The following TOX2 variants were observed in gnomAD, a reference collection of about 807,000 sequenced individuals.
TOX2 encodes granulosa cell HMG box 1.
Under a neutral mutation model 47.4 loss-of-function variants are expected in TOX2, and 15 were observed. The observed-to-expected ratio is 0.32, with a 90% confidence interval of 0.21 to 0.49. The LOEUF (loss-of-function observed/expected upper bound fraction) is 0.49, where lower values mean the gene tolerates loss of function less well. TOX2 is among the 20% of genes least tolerant of loss of function. The probability of loss-of-function intolerance (pLI) is 0.99; values close to 1 mark genes in which losing one functional copy is unlikely to be tolerated. For missense variants in TOX2, 622 were observed against 673.1 expected, an observed-to-expected ratio of 0.92 and a Z score of 0.84; for synonymous variants, 290 against 296.6, an observed-to-expected ratio of 0.98 and a Z score of 0.23.
In TOX2 at chr20:43,915,683, G is replaced by T. The variant is rs1208593486; in HGVS notation, c.99+693G>T. Among the ~76,000 whole-genome samples the T allele has an allele frequency of 6.6e-6, 1 of 152,216 alleles. No individual in the cohort carries two copies. The highest frequency in any genetic ancestry group is 1.5e-5 in the Non-Finnish European group (1 of 68,040). On this transcript the variant is annotated intron_variant, in intron 1 of 8. Coordinates refer to ENST00000341197, the MANE Select transcript of TOX2 (RefSeq NM_001098797.2). The surrounding 1 kb of genome is among the most constrained non-coding windows in gnomAD (Gnocchi z 7.1). The stretch of plus-strand genomic sequence containing the variant: ...CGTCGAGGTTTAACTTCTCAGCGCC[G>T]CAGCACACTAATTGGGCAGTTTACT...
At chr20:44,023,667 G>A (rs143833409) in intron 3 of TOX2, among the ~76,000 whole-genome samples, 2 of 152,340 alleles carry the variant, frequency 1.3e-5, no homozygotes, top group East Asian at 1.9e-4. Flanking sequence ...ACAGGCCAGC[G>A]TGGCCTGGGA....
chr20:44,023,197 G>C (rs2071002266), intron 3 of TOX2, among the ~76,000 whole-genome samples: 1 of 152,002 alleles, frequency 6.6e-6, no homozygotes, highest in African/African-American at 2.4e-5. Flanking sequence ...GGGAGGCCGA[G>C]GCGAGCAGAT....
intron 3 of TOX2, among the ~76,000 whole-genome samples, chr20:44,030,216 A>G (rs1397468713): frequency 6.6e-6 from 1 of 152,112 alleles, no homozygotes; most frequent in Non-Finnish European, 1.5e-5. Flanking sequence ...TAAGCAGCCC[A>G]TGAATTTCAT....
rs116962687 is a variant in TOX2 at position 44,057,749 on chromosome 20, A to G, written c.879+3223A>G. Among the ~76,000 whole-genome samples the G allele has an allele frequency of 1.9e-4, 29 of 152,350 alleles. No homozygotes were observed. The East Asian group carries it at 5.4e-3, about 28-fold the overall frequency. On this transcript the variant is annotated intron_variant, in intron 5 of 8. Transcript: ENST00000341197. ...ATCATTTATTCAACTTATGATTCTGAGGGTCCATGAACTGTGCTGGGCTCA... is the reference window on the plus strand; with the variant it reads ...ATCATTTATTCAACTTATGATTCTGGGGGTCCATGAACTGTGCTGGGCTCA...
At chr20:44,037,656 C>A (rs920584838) in intron 3 of TOX2, among the ~76,000 whole-genome samples, 1 of 152,044 alleles carries the variant, frequency 6.6e-6, no homozygotes, top group East Asian at 1.9e-4. Flanking sequence ...GTGTAGTGAG[C>A]CCTCACTCAC....
At chr20:44,003,785 G>C (rs898705168) in intron 2 of TOX2, among the ~76,000 whole-genome samples, 2 of 152,176 alleles carry the variant, frequency 1.3e-5, no homozygotes, top group Non-Finnish European at 2.9e-5. Context: ...AACTGTGTAG[G>C]GGAGAGCCCA....
intron 1 of TOX2, among the ~76,000 whole-genome samples, chr20:43,934,487 T>A (rs2069298283): frequency 6.6e-6 from 1 of 152,038 alleles, no homozygotes; most frequent in African/African-American, 2.4e-5. Flanking sequence ...GCCAGGAACA[T>A]ACTTTCTCTT....
rs995101332 is a variant in TOX2, at chr20:43,986,957, G to A, written c.165+13525G>A. 2.1e-4 allele frequency among the ~76,000 whole-genome samples: 32 copies of A among 152,168 alleles called. 1 individual carries two copies. Among genetic ancestry groups the A allele is most frequent in the Middle Eastern group, 3.4e-3 (1 of 294 alleles). On this transcript the variant is annotated intron_variant, in intron 2 of 8. Coordinates refer to ENST00000341197, the MANE Select transcript of TOX2 (RefSeq NM_001098797.2). ...TACATACCTGTAGTCCCAGCTACTC[G>A]AGAGGCTAAGGTGGGACGATCACTT...
At chr20:44,024,825 C>T (rs1253013941) in intron 3 of TOX2, among the ~76,000 whole-genome samples, 3 of 151,168 alleles carry the variant, frequency 2.0e-5, no homozygotes, top group African/African-American at 7.4e-5. Flanking sequence ...ATACAATATA[C>T]AAAGATAATA....
intron 2 of TOX2, among the ~76,000 whole-genome samples, chr20:43,980,661 ATGATT>A (rs969637114): frequency 6.6e-6 from 1 of 152,188 alleles, no homozygotes; most frequent in African/African-American, 2.4e-5. Flanking sequence ...AAAATAAAAA[ATGATT>A]TGATAAATGT....
chr20:43,950,533 C>T (rs1200265171), intron 1 of TOX2, among the ~76,000 whole-genome samples: 1 of 151,938 alleles, frequency 6.6e-6, no homozygotes, highest in African/African-American at 2.4e-5. Flanking sequence ...CTTTGCTGAC[C>T]GAGGTCACAC....
intron 3 of TOX2, among the ~76,000 whole-genome samples, chr20:44,038,006 A>G (rs1043587537): frequency 1.3e-4 from 20 of 152,188 alleles, no homozygotes; most frequent in African/African-American, 4.6e-4. Flanking sequence ...GATATGGACA[A>G]TGAAGTTCAG....
At chr20:44,065,123 G>C (rs1376366121) in intron 6 of TOX2, among the ~76,000 whole-genome samples, 1 of 152,202 alleles carries the variant, frequency 6.6e-6, no homozygotes, top group African/African-American at 2.4e-5. Flanking sequence ...TGTTAAAGTG[G>C]CCGCACTAGG....
At chr20:43,973,285 C>T in intron 1 of TOX2, 82 bp from the exon 2 acceptor site, 1 of 1,402,304 alleles carries the variant, frequency 7.1e-7, no homozygotes, top group Admixed American at 1.7e-5. Context: ...AGTCAGTCCC[C>T]TGCCCTCCTC....
chr20:43,979,400 TAGG>T (rs1384140097), intron 2 of TOX2, among the ~76,000 whole-genome samples: 1 of 152,000 alleles, frequency 6.6e-6, no homozygotes, highest in East Asian at 1.9e-4. Flanking sequence ...GTTTGAGAAG[TAGG>T]AGGAGAACTT....
chr20:44,021,096 A>G (rs1056284707), intron 3 of TOX2, among the ~76,000 whole-genome samples: 1 of 152,144 alleles, frequency 6.6e-6, no homozygotes, highest in African/African-American at 2.4e-5. Flanking sequence ...CAAGGGCCTA[A>G]GAAGAACCAG....
At chr20:43,938,569 C>T (rs1377170929) in intron 1 of TOX2, among the ~76,000 whole-genome samples, 3 of 152,158 alleles carry the variant, frequency 2.0e-5, no homozygotes, top group African/African-American at 7.2e-5. Context: ...AGAGGGAGGG[C>T]GCTGAGCCTG....
At position 43,989,509 on chromosome 20, in the gene TOX2, G is replaced by A. The variant is rs146627214; in HGVS notation, c.165+16077G>A. On this transcript the variant is annotated intron_variant, in intron 2 of 8. Coordinates refer to ENST00000341197, the MANE Select transcript of TOX2 (RefSeq NM_001098797.2). Reference sequence around the variant, plus strand: ...ACAGCATATATTAGGGCTAGGCACAGTGGCTCATGCCTGTAATCCTAGCAC... The same window carrying A: ...ACAGCATATATTAGGGCTAGGCACAATGGCTCATGCCTGTAATCCTAGCAC... Among the ~76,000 whole-genome samples, 554 of 152,334 alleles carry A rather than the reference G, an allele frequency of 3.6e-3. 4 individuals are homozygous for A. The highest frequency in any genetic ancestry group is 0.012 in the African/African-American group (518 of 41,574).
At chr20:43,994,934 G>T (rs1222493028) in intron 2 of TOX2, among the ~76,000 whole-genome samples, 1 of 152,124 alleles carries the variant, frequency 6.6e-6, no homozygotes, top group Non-Finnish European at 1.5e-5. Flanking sequence ...ACTGCCGGTG[G>T]GAGGGTGTTA....
Sources: allele counts gnomAD v4.1 joint callset (sites outside exome capture counted in the v4.1 genomes callset), GRCh38; gene constraint gnomAD v4.1.1; non-coding constraint Gnocchi (gnomAD v3.1); transcripts MANE v1.5; gene names NCBI Gene and HGNC (gene_info 2026-07-23, HGNC 2026-07-21).